Variants in FREM1 observed in about 807,000 individuals in gnomAD.
FREM1 encodes FRAS1 related extracellular matrix 1.
In FREM1, 220 loss-of-function variants were observed where a neutral mutation model predicts 210.1. The observed-to-expected ratio is 1.05, with a 90% CI of 0.94 to 1.17. The LOEUF is 1.17. FREM1 is among the 50% of genes most tolerant of loss of function. FREM1 has a pLI of 0.00. For missense variants in FREM1, 3,454 were observed against 2,675.5 expected, an observed-to-expected ratio of 1.29 and a Z score of -6.42; for synonymous variants, 1,189 against 980.2, an observed-to-expected ratio of 1.21 and a Z score of -3.98.
At position 14,769,760 on chromosome 9, in the gene FREM1, A is replaced by G; in HGVS notation, c.5168T>C (p.Ile1723Thr). The change falls in exon 27 of 37, where the codon ATC becomes ACC. Residue 1723 changes from isoleucine (I) to threonine (T), a missense_variant. Physicochemically the swap from Ile to Thr is moderately conservative, Grantham distance 89. Coordinates refer to ENST00000380880, the MANE Select transcript of FREM1 (RefSeq NM_001379081.2). ...EVNSDTVEFQ[I>T]MDPTGNSATP... Reference sequence around the variant, plus strand: ...GGCCGAGTTCCCTGTGGGGTCCATGATTTGAAATTCCACGGTATCTGAATT... The same window carrying G: ...GGCCGAGTTCCCTGTGGGGTCCATGGTTTGAAATTCCACGGTATCTGAATT... The G allele has an allele frequency of 6.2e-7, 1 of 1,612,536 alleles. No individual in the cohort carries two copies. The highest frequency in any genetic ancestry group is 1.1e-5 in the South Asian group (1 of 90,946).
intron 4 of FREM1, among the ~76,000 whole-genome samples, chr9:14,858,539 G>C (rs1365548415): frequency 6.8e-6 from 1 of 147,648 alleles, no homozygotes; most frequent in Non-Finnish European, 1.5e-5. Context: ...TCATTTCTCA[G>C]ACGTACAAAA....
chr9:14,739,478 T>G, intron 36 of FREM1, among the ~76,000 whole-genome samples: 1 of 135,980 alleles, frequency 7.4e-6, no homozygotes, highest in Non-Finnish European at 1.6e-5. Flanking sequence ...ATATATATAA[T>G]TCATATATAT....
At chr9:14,899,441 G>A (rs1838374447) in intron 1 of FREM1, among the ~76,000 whole-genome samples, 1 of 152,180 alleles carries the variant, frequency 6.6e-6, no homozygotes, top group African/African-American at 2.4e-5. Flanking sequence ...GGGATTAAAC[G>A]TGCTTCAAGT....
intron 25 of FREM1, chr9:14,773,962 A>C: frequency 2.4e-6 from 1 of 410,246 alleles, no homozygotes; most frequent in South Asian, 1.9e-5. Context: ...GGAGTTAGGA[A>C]TAAAAAAAAG....
intron 19 of FREM1, among the ~76,000 whole-genome samples, chr9:14,802,382 A>C (rs1160546241): frequency 6.6e-6 from 1 of 152,184 alleles, no homozygotes; most frequent in African/African-American, 2.4e-5. Context: ...TATCGCAGTA[A>C]AAACTTCTGT....
intron 21 of FREM1, among the ~76,000 whole-genome samples, chr9:14,794,218 G>T (rs1011993611): frequency 8.5e-5 from 13 of 152,166 alleles, no homozygotes; most frequent in Non-Finnish European, 2.9e-5. Context: ...GCAGGAGAGA[G>T]GGAGTAGGAG....
intron 23 of FREM1, among the ~76,000 whole-genome samples, chr9:14,788,110 A>T (rs1010062942): frequency 1.3e-5 from 2 of 152,150 alleles, no homozygotes; most frequent in African/African-American, 4.8e-5. Context: ...AAAAAAAGGG[A>T]AGCATTCAGT....
At chr9:14,871,202 T>C (rs1832609692) in intron 1 of FREM1, among the ~76,000 whole-genome samples, 1 of 152,330 alleles carries the variant, frequency 6.6e-6, no homozygotes, top group African/African-American at 2.4e-5. Context: ...ATGGTATTTC[T>C]AGTTCTAGAT....
chr9:14,866,835 C>G (rs1432372495), intron 2 of FREM1, among the ~76,000 whole-genome samples: 1 of 151,978 alleles, frequency 6.6e-6, no homozygotes, highest in East Asian at 1.9e-4. Context: ...ATTTTACCCT[C>G]TCTCAAAACT....
chr9:14,811,477 T>G (rs1275393089), intron 16 of FREM1, among the ~76,000 whole-genome samples: 3 of 152,176 alleles, frequency 2.0e-5, no homozygotes, highest in Non-Finnish European at 4.4e-5. Context: ...TCAGATCCAC[T>G]GGGGAAATCA....
chr9:14,844,034 AG>A (rs1826158624), intron 8 of FREM1, among the ~76,000 whole-genome samples: 1 of 152,220 alleles, frequency 6.6e-6, no homozygotes, highest in African/African-American at 2.4e-5. Context: ...AGTTGATATG[AG>A]ATAACAAGTT....
intron 36 of FREM1, among the ~76,000 whole-genome samples, chr9:14,738,625 A>C (rs1052916594): frequency 2.6e-5 from 4 of 152,286 alleles, no homozygotes; most frequent in African/African-American, 9.6e-5. Flanking sequence ...GAACTATTAC[A>C]GTTCCCTCAA....
intron 10 of FREM1, among the ~76,000 whole-genome samples, chr9:14,830,645 C>A (rs191434742): frequency 4.6e-5 from 7 of 152,196 alleles, no homozygotes; most frequent in African/African-American, 9.7e-5. Context: ...GAGCTCCCCC[C>A]GCTCTGTTTC....
At chr9:14,795,163 T>C (rs1358688300) in intron 21 of FREM1, among the ~76,000 whole-genome samples, 1 of 152,182 alleles carries the variant, frequency 6.6e-6, no homozygotes, top group Non-Finnish European at 1.5e-5. Flanking sequence ...CTTGTAATAA[T>C]AACAATAACA....
At chr9:14,890,640 A>T (rs1187219613) in intron 1 of FREM1, among the ~76,000 whole-genome samples, 1 of 152,218 alleles carries the variant, frequency 6.6e-6, no homozygotes, top group Non-Finnish European at 1.5e-5. Flanking sequence ...GAGGGTATCT[A>T]AAACATTTCT....
At chr9:14,782,822 T>C (rs139745614) in intron 24 of FREM1, among the ~76,000 whole-genome samples, 131 of 152,306 alleles carry the variant, frequency 8.6e-4, no homozygotes, top group East Asian at 8.5e-3. Flanking sequence ...CCCGCAACCT[T>C]GTGAGGCAGG....
Position 14,744,971 on chromosome 9 carries a change from C to T in FREM1, c.6254+1382G>A, listed in dbSNP as rs765036500. On this transcript the variant is annotated intron_variant, in intron 35 of 36. Transcript: ENST00000380880. ...AACAAGATTATGTCCTTTGCAGGGA[C>T]ATGGAGGGAGCTGGGGGTCATTATC... 3.0e-4 allele frequency among the ~76,000 whole-genome samples: 46 copies of T among 152,134 alleles called. 1 individual carries two copies. Among genetic ancestry groups the T allele is most frequent in the Non-Finnish European group, 5.9e-5 (4 of 68,028 alleles).
intron 8 of FREM1, 22 bp downstream of exon 8, chr9:14,845,938 G>C: frequency 6.2e-7 from 1 of 1,612,474 alleles, no homozygotes. Context: ...TCTTTGCTAG[G>C]TTACCAAGTT....
At chr9:14,746,236 G>T in intron 35 of FREM1, 117 bp downstream of exon 35, 2 of 700,342 alleles carry the variant, frequency 2.9e-6, no homozygotes. Flanking sequence ...AACAAAGCCA[G>T]GCAGATATTA....
Sources: allele counts gnomAD v4.1 joint callset (sites outside exome capture counted in the v4.1 genomes callset), GRCh38; gene constraint gnomAD v4.1.1; transcripts MANE v1.5; gene names NCBI Gene and HGNC (gene_info 2026-07-23, HGNC 2026-07-21).